Variants in TAB2 observed in about 807,000 individuals in gnomAD.
TAB2 encodes TGF-beta-activated kinase 1 and MAP3K7-binding protein 2.
Under a neutral mutation model 65.0 loss-of-function variants are expected in TAB2, and 3 were observed. The ratio of observed to expected loss-of-function variants is 0.05; its 90% confidence interval spans 0.02 to 0.12. The LOEUF is 0.12. Ranked by LOEUF, TAB2 falls within the 10% of genes least tolerant of loss-of-function variation. The pLI is 1.00. For synonymous variants in TAB2, 298 were observed against 285.1 expected, an observed-to-expected ratio of 1.05 and a Z score of -0.46; for missense variants, 623 against 840.3, an observed-to-expected ratio of 0.74 and a Z score of 3.20.
chr6:149,408,575 G>A (rs1481490411), intron 6 of TAB2, among the ~76,000 whole-genome samples: 1 of 152,112 alleles, frequency 6.6e-6, no homozygotes, highest in Non-Finnish European at 1.5e-5. Context: ...AATATACATT[G>A]TTTTAACATA....
At chr6:149,225,022 A>G (rs1777238592) in intron 1 of TAB2, among the ~76,000 whole-genome samples, 1 of 152,162 alleles carries the variant, frequency 6.6e-6, no homozygotes, top group South Asian at 2.1e-4. Flanking sequence ...TTCTTATAAT[A>G]CTTTTCTATT....
At chr6:149,377,280 C>T (rs1180909259) in intron 2 of TAB2, among the ~76,000 whole-genome samples, 2 of 151,486 alleles carry the variant, frequency 1.3e-5, no homozygotes, top group African/African-American at 2.4e-5. Flanking sequence ...ACCGTGGTCT[C>T]GATCTCCTGA....
chr6:149,325,046 CTT>C (rs1413336403), intron 1 of TAB2, among the ~76,000 whole-genome samples: 1 of 152,014 alleles, frequency 6.6e-6, no homozygotes, highest in Non-Finnish European at 1.5e-5. Flanking sequence ...TAGTTGATCT[CTT>C]TGTTAATTTT....
intron 3 of TAB2, among the ~76,000 whole-genome samples, chr6:149,386,328 T>G (rs895793988): frequency 7.2e-5 from 11 of 152,212 alleles, no homozygotes; most frequent in Non-Finnish European, 1.2e-4. Context: ...TGCAGTTGAC[T>G]TATAGTATAC....
intron 1 of TAB2, among the ~76,000 whole-genome samples, chr6:149,241,839 A>G (rs559271905): frequency 1.3e-5 from 2 of 152,342 alleles, no homozygotes; most frequent in South Asian, 4.1e-4. Context: ...ACGAGTAGAA[A>G]GTAGAAAGAA....
At chr6:149,369,353 A>T (rs566129342) in intron 1 of TAB2, among the ~76,000 whole-genome samples, 17 of 152,310 alleles carry the variant, frequency 1.1e-4, no homozygotes, top group African/African-American at 2.4e-4. Context: ...TTAGTATTTT[A>T]AAAATACTGA....
At chr6:149,315,966 C>A (rs986659798), upstream of TAB2, among the ~76,000 whole-genome samples, 1 of 152,144 alleles carries the variant, frequency 6.6e-6, no homozygotes, top group Non-Finnish European at 1.5e-5. Flanking sequence ...AATACATCAT[C>A]CTACCATTTC....
chr6:149,299,452 G>T (rs556896614), intron 1 of TAB2, among the ~76,000 whole-genome samples: 1 of 152,258 alleles, frequency 6.6e-6, no homozygotes, highest in Non-Finnish European at 1.5e-5. Flanking sequence ...CAGGCCTGTA[G>T]TCCCAGCTAC....
chr6:149,397,853 C>T (rs1406394504), intron 4 of TAB2, 89 bp downstream of exon 4: 2 of 1,582,496 alleles, frequency 1.3e-6, no homozygotes, highest in Admixed American at 1.7e-5. Flanking sequence ...TAGTTTTCTT[C>T]AGATGTTCTT....
intron 1 of TAB2, among the ~76,000 whole-genome samples, chr6:149,293,421 A>G (rs1163702047): frequency 6.6e-6 from 1 of 152,198 alleles, no homozygotes; most frequent in Non-Finnish European, 1.5e-5. Flanking sequence ...GCTGTCATTA[A>G]TTCACTTCTT....
chr6:149,368,542 C>T (rs2114852749), intron 1 of TAB2, among the ~76,000 whole-genome samples: 1 of 152,098 alleles, frequency 6.6e-6, no homozygotes, highest in South Asian at 2.1e-4. Flanking sequence ...AGTTCTATAG[C>T]ATGATTGTCG....
Position 149,396,707 on chromosome 6 carries a change from T to G in TAB2, c.1604-897T>G, listed in dbSNP as rs1782184040. ...TTCCCAAGTAGTTCATGCTGCAGGA[T>G]TGATTGCTTATTTTGTTTCTTTAAA... On this transcript the variant is annotated intron_variant, in intron 3 of 6. Coordinates refer to ENST00000637181, the MANE Select transcript of TAB2 (RefSeq NM_001292034.3). Among the ~76,000 whole-genome samples the G allele has an allele frequency of 2.0e-5, 3 of 152,278 alleles. No individual in the cohort carries two copies. In the South Asian group the frequency reaches 6.2e-4, roughly 31 times the overall value.
chr6:149,221,370 T>C (rs1045897715), intron 1 of TAB2: 4 of 152,368 alleles, frequency 2.6e-5, no homozygotes, highest in Middle Eastern at 3.4e-3. Flanking sequence ...CTACCACAGC[T>C]TGCTGCCAGC....
chr6:149,226,935 A>G (rs1040541402), intron 1 of TAB2, among the ~76,000 whole-genome samples: 1 of 152,230 alleles, frequency 6.6e-6, no homozygotes, highest in Non-Finnish European at 1.5e-5. Flanking sequence ...CTATGAACAA[A>G]TGAATTAAGA....
intron 6 of TAB2, among the ~76,000 whole-genome samples, chr6:149,403,275 TATATATATACACACAC>T (rs1182118149): frequency 0.041 from 1,793 of 43,344 alleles, 76 homozygotes; most frequent in Non-Finnish European, 0.056. Context: ...TATATATATA[TATATATATACACACAC>T]ACACATATAT....
chr6:149,327,241 G>A (rs1273861047), intron 1 of TAB2, among the ~76,000 whole-genome samples: 1 of 152,034 alleles, frequency 6.6e-6, no homozygotes, highest in African/African-American at 2.4e-5. Context: ...TAGGCAAGAT[G>A]GTCGTTTTTT....
chr6:149,333,745 G>GTGTC (rs779246570), intron 1 of TAB2, among the ~76,000 whole-genome samples: 2 of 148,726 alleles, frequency 1.3e-5, no homozygotes, highest in African/African-American at 2.5e-5. Context: ...GTGTGTGTGT[G>GTGTC]TCTATGTGTC....
At chr6:149,245,921 G>A (rs534121510) in intron 1 of TAB2, among the ~76,000 whole-genome samples, 14 of 151,820 alleles carry the variant, frequency 9.2e-5, no homozygotes, top group South Asian at 4.2e-4. Flanking sequence ...TTATACAGTC[G>A]TTACTGGACT....
intron 1 of TAB2, among the ~76,000 whole-genome samples, chr6:149,309,799 G>A (rs1429206009): frequency 6.6e-6 from 1 of 152,006 alleles, no homozygotes; most frequent in Non-Finnish European, 1.5e-5. Flanking sequence ...TCAGAAATAG[G>A]AAAGGGGATG....
Sources: allele counts gnomAD v4.1 joint callset (sites outside exome capture counted in the v4.1 genomes callset), GRCh38; gene constraint gnomAD v4.1.1; transcripts MANE v1.5; gene names NCBI Gene and HGNC (gene_info 2026-07-23, HGNC 2026-07-21).